GSE1: variants seen among roughly 807,000 people sequenced by gnomAD.
The protein encoded by GSE1 is genetic suppressor element 1.
GSE1 carries 32 observed loss-of-function variants against 112.6 expected under a neutral mutation model. The ratio of observed to expected loss-of-function variants is 0.28; its 90% CI spans 0.21 to 0.38. The LOEUF (loss-of-function observed/expected upper bound fraction) is 0.38, where lower values mean the gene tolerates loss of function less well. Among genes scored for constraint, GSE1 ranks in the 10% least tolerant of loss-of-function variants. The pLI is 1.00. For synonymous variants in GSE1, 1,115 were observed against 735.6 expected (o/e 1.52, Z -8.35); for missense variants, 2,348 against 1,699.2 (o/e 1.38, Z -6.71).
At chr16:85,412,778 C>T (rs1475875343) in intron 2 of GSE1, among the ~76,000 whole-genome samples, 3 of 152,250 alleles carry the variant, frequency 2.0e-5, no homozygotes, top group Non-Finnish European at 4.4e-5. Flanking sequence ...TGATAATCCT[C>T]GCTGACCTCT....
At chr16:85,226,760 TGTGTGTGTGTGTGTGTGTGTG>T in intron 1 of GSE1, among the ~76,000 whole-genome samples, 1 of 3,320 alleles carries the variant, frequency 3.0e-4, no homozygotes, top group South Asian at 0.013. Flanking sequence ...CCTGGACTGG[TGTGTGTGTGTGTGTGTGTGTG>T]TGTGTGTGTG....
chr16:85,432,713 A>C (rs2049150685), intron 2 of GSE1, among the ~76,000 whole-genome samples: 1 of 152,194 alleles, frequency 6.6e-6, no homozygotes, highest in Non-Finnish European at 1.5e-5. Flanking sequence ...GGTGTTTTCC[A>C]GGTATTCTCT....
chr16:85,525,757 A>C (rs1419777211), intron 2 of GSE1, among the ~76,000 whole-genome samples: 2 of 152,146 alleles, frequency 1.3e-5, no homozygotes, highest in Non-Finnish European at 2.9e-5. Flanking sequence ...TAGCTGTGTG[A>C]CCCCAGACAA....
intron 2 of GSE1, among the ~76,000 whole-genome samples, chr16:85,447,269 G>A (rs1027901059): frequency 5.3e-5 from 8 of 152,138 alleles, no homozygotes; most frequent in Non-Finnish European, 8.8e-5. Flanking sequence ...TTCTTTCTTG[G>A]ACCACTCTTT....
chr16:85,548,406 C>T (rs1417694037), intron 2 of GSE1, among the ~76,000 whole-genome samples: 3 of 151,090 alleles, frequency 2.0e-5, no homozygotes, highest in Admixed American at 1.3e-4. Context: ...TGTATATTTG[C>T]ACCCATTAAT....
intron 2 of GSE1, among the ~76,000 whole-genome samples, chr16:85,358,113 C>T (rs538185653): frequency 8.5e-4 from 129 of 152,252 alleles, no homozygotes; most frequent in Non-Finnish European, 1.5e-3. Context: ...TCCTCCCCCT[C>T]CCACTCCCGC....
At chr16:85,318,725 G>A (rs1313814350) in intron 1 of GSE1, among the ~76,000 whole-genome samples, 2 of 152,218 alleles carry the variant, frequency 1.3e-5, no homozygotes, top group African/African-American at 4.8e-5. Context: ...CAAGCTGCTT[G>A]GGCAGACTCC....
At chr16:85,512,992 G>A (rs753480069) in intron 2 of GSE1, among the ~76,000 whole-genome samples, 3 of 152,154 alleles carry the variant, frequency 2.0e-5, no homozygotes, top group African/African-American at 7.2e-5. Flanking sequence ...GCCATGGGGA[G>A]CTCTGGAATC....
At chr16:85,437,443 A>G (rs999182508) in intron 2 of GSE1, among the ~76,000 whole-genome samples, 1 of 152,118 alleles carries the variant, frequency 6.6e-6, no homozygotes, top group African/African-American at 2.4e-5. Flanking sequence ...AGGCAGCCGT[A>G]TGGTGCCTGG....
intron 1 of GSE1, among the ~76,000 whole-genome samples, chr16:85,201,933 C>T (rs1431034688): frequency 1.3e-5 from 2 of 152,264 alleles, no homozygotes; most frequent in Middle Eastern, 3.4e-3. Context: ...CAGTGCAACC[C>T]GTGGATATAT....
chr16:85,315,575 A>G (rs1013631204), intron 1 of GSE1, among the ~76,000 whole-genome samples: 1 of 152,038 alleles, frequency 6.6e-6, no homozygotes, highest in Non-Finnish European at 1.5e-5. Flanking sequence ...TGGGGACAAG[A>G]GTAACCAAAA....
chr16:85,401,667 T>A (rs1167245831), intron 2 of GSE1, among the ~76,000 whole-genome samples: 1 of 152,160 alleles, frequency 6.6e-6, no homozygotes, highest in African/African-American at 2.4e-5. Flanking sequence ...GAGGCCCAAA[T>A]GAGCCATATA....
At chr16:85,655,574 G>A (rs1044671403) in intron 5 of GSE1, 152 bp from the exon 6 acceptor site, 2 of 585,904 alleles carry the variant, frequency 3.4e-6, no homozygotes, top group African/African-American at 3.7e-5. Flanking sequence ...GGGCTTTGGG[G>A]CTAGCAGCAG....
At chr16:85,451,285 C>T (rs78831955) in intron 2 of GSE1, among the ~76,000 whole-genome samples, 4,679 of 152,272 alleles carry the variant, frequency 0.031, 261 homozygotes, top group African/African-American at 0.11. Context: ...CCTGCACCCA[C>T]GGGTCTGTTT....
intron 1 of GSE1, among the ~76,000 whole-genome samples, chr16:85,206,750 G>A (rs1389630127): frequency 1.3e-5 from 2 of 152,018 alleles, no homozygotes; most frequent in Admixed American, 6.5e-5. Context: ...TTGGAGAAAG[G>A]GGGAAGCTTC....
intron 1 of GSE1, chr16:85,592,914 G>A: frequency 6.6e-6 from 1 of 152,420 alleles, no homozygotes; most frequent in East Asian, 1.9e-4. Context: ...ACCAGCTCTA[G>A]GCGAGGGTGC....
intron 2 of GSE1, among the ~76,000 whole-genome samples, chr16:85,441,012 G>A (rs955538168): frequency 6.6e-6 from 1 of 152,228 alleles, no homozygotes; most frequent in Non-Finnish European, 1.5e-5. Context: ...CGCATATGCT[G>A]GGCCACACCT....
chr16:85,556,789 C>A (rs1262737356), intron 1 of GSE1, among the ~76,000 whole-genome samples: 3 of 149,208 alleles, frequency 2.0e-5, no homozygotes, highest in African/African-American at 7.4e-5. Flanking sequence ...TTCCCTCTCC[C>A]TCCAGCCAAC....
chr16:85,612,153 G>C (rs945320003), upstream of GSE1, among the ~76,000 whole-genome samples: 1 of 151,892 alleles, frequency 6.6e-6, no homozygotes, highest in Non-Finnish European at 1.5e-5. Context: ...GGCGCCAGAA[G>C]GCGGCAGGGG....
Sources: gnomAD v4.1 joint callset for allele counts (sites outside exome capture counted in the v4.1 genomes callset) on GRCh38, gnomAD v4.1.1 for gene constraint, MANE v1.5 for transcripts, NCBI Gene and HGNC (gene_info 2026-07-23, HGNC 2026-07-21) for gene names.